The following ITGB8 variants were observed in gnomAD, a reference collection of about 807,000 sequenced individuals.
ITGB8 encodes the protein integrin subunit beta 8.
ITGB8 carries 30 observed loss-of-function variants against 89.5 expected under a neutral mutation model. That is an observed-to-expected ratio of 0.34 (90% confidence interval 0.25 to 0.45). The LOEUF is 0.45. Among genes scored for constraint, ITGB8 ranks in the 20% least tolerant of loss-of-function variants. The pLI, the probability that ITGB8 is intolerant of heterozygous loss-of-function variation, is 1.00. For synonymous variants in ITGB8, 335 were observed against 320.4 expected (o/e 1.05, Z -0.49); for missense variants, 836 against 933.3 (o/e 0.90, Z 1.36).
chr7:20,366,747 G>T (rs1785713752), intron 2 of ITGB8: 2 of 333,920 alleles, frequency 6.0e-6, no homozygotes, highest in East Asian at 1.6e-4. Context: ...CCTGGATCAG[G>T]AGGGAGACTC....
chr7:20,343,508 A>G (rs1784829088), intron 1 of ITGB8, among the ~76,000 whole-genome samples: 1 of 152,198 alleles, frequency 6.6e-6, no homozygotes, highest in African/African-American at 2.4e-5. Flanking sequence ...TACAACAGGA[A>G]TACAAGCAGG....
At chr7:20,396,110 A>G (rs533935185) in intron 8 of ITGB8, among the ~76,000 whole-genome samples, 1 of 152,268 alleles carries the variant, frequency 6.6e-6, no homozygotes, top group East Asian at 1.9e-4. Context: ...CTTGGGCACA[A>G]AAGAGAAAGG....
chr7:20,374,721 T>C (rs371283014), intron 3 of ITGB8, among the ~76,000 whole-genome samples: 4 of 152,226 alleles, frequency 2.6e-5, no homozygotes, highest in East Asian at 1.9e-4. Context: ...GAGTATGCAT[T>C]TGTAGGCTGT....
Position 20,413,814 on chromosome 7 carries a change from T to C in ITGB8, c.*3817T>C, listed in dbSNP as rs1362747869. On this transcript the variant is annotated 3_prime_UTR_variant, in exon 14 of 14. Coordinates refer to ENST00000222573, the MANE Select transcript of ITGB8 (RefSeq NM_002214.3). ...AAGTATCAAGTGAAATATAGTTACA[T>C]GGGAGCTCAATCATGTGCAGATTGC... The C allele has an allele frequency of 2.0e-5, 3 of 152,150 alleles. No homozygotes were observed. Among genetic ancestry groups the C allele is most frequent in the Non-Finnish European group, 4.4e-5 (3 of 67,968 alleles). The allele number at this position is 152,150 out of a possible 1,614,324, so 9.4% of individuals were successfully genotyped here.
chr7:20,341,275 G>A (rs548617060), intron 1 of ITGB8, among the ~76,000 whole-genome samples: 29 of 152,222 alleles, frequency 1.9e-4, no homozygotes, highest in African/African-American at 6.3e-4. Context: ...ATGACAGATG[G>A]GGCACAATTT....
Position 20,381,777 on chromosome 7 carries a change from A to G in ITGB8, c.852A>G (p.Thr284=), listed in dbSNP as rs770230498. The G allele has an allele frequency of 1.2e-6, 2 of 1,613,928 alleles. No homozygotes were observed. Among genetic ancestry groups the G allele is most frequent in the Admixed American group, 1.7e-5 (1 of 60,012 alleles). The change falls in exon 6 of 14, where the codon ACA becomes ACG. Residue 284 remains threonine, a synonymous_variant. Coordinates refer to ENST00000222573, the MANE Select transcript of ITGB8 (RefSeq NM_002214.3). ...CTAAAAGATTGCTGCTGGTGATGAC[A>G]GATCAGACGTCTCATCTCGCTCTTG... ...KEAKRLLLVM[T]DQTSHLALDS...
At chr7:20,336,592 G>A (rs532914762) in intron 1 of ITGB8, among the ~76,000 whole-genome samples, 3 of 152,188 alleles carry the variant, frequency 2.0e-5, no homozygotes, top group Non-Finnish European at 4.4e-5. Context: ...TTTGAACATC[G>A]TAGAGAAAGC....
chr7:20,397,217 TC>T (rs1405690708), intron 8 of ITGB8, among the ~76,000 whole-genome samples: 1 of 126,454 alleles, frequency 7.9e-6, no homozygotes, highest in Non-Finnish European at 1.6e-5. Flanking sequence ...TAAGATCTTT[TC>T]CTTTTCTTTC....
At chr7:20,388,641 CTTTT>C (rs149074826) in intron 6 of ITGB8, among the ~76,000 whole-genome samples, 1 of 150,398 alleles carries the variant, frequency 6.6e-6, no homozygotes, top group East Asian at 1.9e-4. Flanking sequence ...CTTTTTTTTT[CTTTT>C]TTTTATTATA....
chr7:20,384,383 G>A (rs890001409), intron 6 of ITGB8, among the ~76,000 whole-genome samples: 1 of 152,132 alleles, frequency 6.6e-6, no homozygotes, highest in South Asian at 2.1e-4. Flanking sequence ...GAGTTCTGTT[G>A]CTTATACATA....
At position 20,363,689 on chromosome 7, in the gene ITGB8, G is replaced by A. The variant is rs370914824; in HGVS notation, c.180G>A (p.Ala60=). ...CAGCATCCTGTGCCAGGTGCCTTGC[G>A]CTGGGTCCAGAATGTGGATGGTGTG... ...SNAASCARCL[A]LGPECGWCVQ... Residue 60 remains alanine, a synonymous_variant, in exon 2 of 14, where the codon GCG becomes GCA. Coordinates refer to ENST00000222573, the MANE Select transcript of ITGB8 (RefSeq NM_002214.3). The A allele has an allele frequency of 7.1e-5, 114 of 1,604,936 alleles. No homozygotes were observed. Among genetic ancestry groups the A allele is most frequent in the East Asian group, 3.8e-4 (17 of 44,668 alleles).
Position 20,380,830 on chromosome 7 carries a change from A to G in ITGB8, c.800A>G (p.Glu267Gly), listed in dbSNP as rs749484137. 1.9e-6 allele frequency: 3 copies of G among 1,608,334 alleles called. No homozygotes were observed. Among genetic ancestry groups the G allele is most frequent in the Middle Eastern group, 3.3e-4 (2 of 6,040 alleles). The change falls in exon 5 of 14, where the codon GAA (glutamate) becomes GGA (glycine). Residue 267 changes from glutamate to glycine, a missense_variant and splice_region_variant. Glu to Gly is a moderately conservative substitution (Grantham distance 98, BLOSUM62 -2). Around this residue, in one of 5 missense-constraint regions of ITGB8, gnomAD observed 192 missense variants for 267.1 expected, o/e 0.72. Coordinates refer to ENST00000222573, the MANE Select transcript of ITGB8 (RefSeq NM_002214.3). ...GCCATGCTTCAGGCAGCTGTCTGTG[A>G]AGTAAGACGTTTCACATGATCGAGT... ...FDAMLQAAVC[E>G]SHIGWRKEAK...
At chr7:20,358,680 G>A (rs181931713) in intron 1 of ITGB8, among the ~76,000 whole-genome samples, 1 of 152,290 alleles carries the variant, frequency 6.6e-6, no homozygotes, top group East Asian at 1.9e-4. Flanking sequence ...TGGGATTACA[G>A]GCATGAGCCA....
At chr7:20,346,265 A>T (rs1784919611) in intron 1 of ITGB8, among the ~76,000 whole-genome samples, 1 of 152,212 alleles carries the variant, frequency 6.6e-6, no homozygotes, top group Non-Finnish European at 1.5e-5. Flanking sequence ...CTGTTCAAGC[A>T]AGACAAGAGA....
At position 20,342,685 on chromosome 7, in the gene ITGB8, T is replaced by G. The variant is rs527784007; in HGVS notation, c.127+10752T>G. Reference sequence around the variant, plus strand: ...GCAAAAGATTTTTCATTCATTTTTTTTTTTTTGGAATTATTGGTGTGCAAA... The same window carrying G: ...GCAAAAGATTTTTCATTCATTTTTTGTTTTTTGGAATTATTGGTGTGCAAA... On this transcript the variant is annotated intron_variant, in intron 1 of 13. Coordinates refer to ENST00000222573, the MANE Select transcript of ITGB8 (RefSeq NM_002214.3). 3.2e-4 allele frequency among the ~76,000 whole-genome samples: 48 copies of G among 152,284 alleles called. No homozygotes were observed. In the South Asian group the frequency reaches 8.9e-3, roughly 28 times the overall value.
intron 6 of ITGB8, 115 bp downstream of exon 6, chr7:20,382,000 A>G (rs1402835844): frequency 2.4e-6 from 2 of 838,028 alleles, no homozygotes; most frequent in Non-Finnish European, 3.7e-6. Context: ...AAGATACAGA[A>G]CAAGGATAAG....
chr7:20,362,550 C>T (rs1282308834), intron 1 of ITGB8, among the ~76,000 whole-genome samples: 1 of 152,206 alleles, frequency 6.6e-6, no homozygotes, highest in Non-Finnish European at 1.5e-5. Flanking sequence ...GGCACCTTTT[C>T]CCTGTTCTTC....
intron 12 of ITGB8, 151 bp from the exon 13 acceptor site, chr7:20,409,464 G>C (rs1050311937): frequency 3.6e-6 from 2 of 556,914 alleles, no homozygotes; most frequent in South Asian, 2.7e-5. Flanking sequence ...TTTTTGTTTT[G>C]AATCAAAGGT....
intron 1 of ITGB8, among the ~76,000 whole-genome samples, chr7:20,337,304 A>C (rs1397550544): frequency 6.6e-6 from 1 of 152,204 alleles, no homozygotes; most frequent in Non-Finnish European, 1.5e-5. Flanking sequence ...CAAAAACTGG[A>C]ATTTATAGTC....
Sources: gnomAD v4.1 joint callset for allele counts (sites outside exome capture counted in the v4.1 genomes callset) on GRCh38, gnomAD v4.1.1 for gene constraint, gnomAD v4.1.1 regional missense constraint, MANE v1.5 for transcripts, NCBI Gene and HGNC (gene_info 2026-07-23, HGNC 2026-07-21) for gene names.